VAV3: variants seen among roughly 807,000 people sequenced by gnomAD.
VAV3 encodes the protein vav guanine nucleotide exchange factor 3.
VAV3 carries 94 observed loss-of-function variants against 131.2 expected under a neutral mutation model. The ratio of observed to expected loss-of-function variants is 0.72; its 90% CI spans 0.61 to 0.85. The LOEUF (loss-of-function observed/expected upper bound fraction) is 0.85. VAV3 is among the 40% of genes least tolerant of loss of function. The pLI is 0.00. For missense variants in VAV3, 939 were observed against 1,002.7 expected, an observed-to-expected ratio of 0.94 and a Z score of 0.86; for synonymous variants, 349 against 342.0, an observed-to-expected ratio of 1.02 and a Z score of -0.22.
intron 1 of VAV3, among the ~76,000 whole-genome samples, chr1:107,959,235 T>C (rs991403688): frequency 3.9e-5 from 6 of 152,118 alleles, no homozygotes; most frequent in African/African-American, 1.4e-4. Context: ...CACTCCAGCC[T>C]GGGTGACGGA....
In VAV3 at chr1:107,948,680, C is replaced by T. The variant is rs182346161; in HGVS notation, c.204+15986G>A. Among the ~76,000 whole-genome samples, 563 of 152,148 alleles carry T rather than the reference C, an allele frequency of 3.7e-3. 1 individual carries two copies. Among genetic ancestry groups the T allele is most frequent in the Non-Finnish European group, 5.6e-3 (383 of 68,004 alleles). ...CCAACATGGCGAAATCCCATCTCTACTAAAAATACAAAATTAGCTAGGCGT... is the reference window on the plus strand; with the variant it reads ...CCAACATGGCGAAATCCCATCTCTATTAAAAATACAAAATTAGCTAGGCGT... On this transcript the variant is annotated intron_variant, in intron 1 of 26. Coordinates refer to ENST00000370056, the MANE Select transcript of VAV3 (RefSeq NM_006113.5).
intron 15 of VAV3, among the ~76,000 whole-genome samples, chr1:107,731,628 T>C (rs530033039): frequency 6.6e-6 from 1 of 152,174 alleles, no homozygotes; most frequent in Non-Finnish European, 1.5e-5. Flanking sequence ...TAGTAAAATC[T>C]TCTTCATTAT....
At chr1:107,664,377 T>C (rs189135886) in intron 19 of VAV3, among the ~76,000 whole-genome samples, 80 of 152,158 alleles carry the variant, frequency 5.3e-4, no homozygotes, top group African/African-American at 1.8e-3. Flanking sequence ...CCAGTGTGTG[T>C]TGTTCCTCGC....
At chr1:107,867,312 A>C (rs568984364) in intron 2 of VAV3, among the ~76,000 whole-genome samples, 1 of 152,182 alleles carries the variant, frequency 6.6e-6, no homozygotes, top group Non-Finnish European at 1.5e-5. Context: ...TAAAAACTGG[A>C]CTTGAATAAT....
chr1:107,690,796 T>C (rs1380020385), intron 17 of VAV3, among the ~76,000 whole-genome samples: 1 of 152,142 alleles, frequency 6.6e-6, no homozygotes, highest in Non-Finnish European at 1.5e-5. Flanking sequence ...CCCCTTTGCC[T>C]TTCTCCTTGC....
chr1:107,583,467 T>C (rs1650234059), intron 25 of VAV3, among the ~76,000 whole-genome samples: 1 of 152,120 alleles, frequency 6.6e-6, no homozygotes, highest in Admixed American at 6.6e-5. Flanking sequence ...GGAAGTCAAA[T>C]TGTCCCTGTT....
At chr1:107,850,634 T>C (rs571239169) in intron 2 of VAV3, among the ~76,000 whole-genome samples, 2 of 151,968 alleles carry the variant, frequency 1.3e-5, no homozygotes, top group South Asian at 2.1e-4. Flanking sequence ...GATGGGTTGA[T>C]TGGTGAAGCA....
chr1:107,951,376 C>T (rs946968702), intron 1 of VAV3, among the ~76,000 whole-genome samples: 16 of 152,182 alleles, frequency 1.1e-4, no homozygotes, highest in South Asian at 1.0e-3. Flanking sequence ...TTTCTCTTCG[C>T]CCCCTAAAAG....
intron 20 of VAV3, among the ~76,000 whole-genome samples, chr1:107,634,442 C>A (rs1654748816): frequency 6.6e-6 from 1 of 152,160 alleles, no homozygotes; most frequent in East Asian, 1.9e-4. Context: ...AAACTGGATC[C>A]CTTCCTTACA....
chr1:107,683,503 TAGG>T lies in VAV3; in HGVS notation c.1759_1761del (p.Pro587del). ...AGAAACACACCTGGATCCACCTGTT[TAGG>T]AGTTCTTCGCAGTCCATTGGTCCGT... On this transcript the variant is annotated inframe_deletion, in exon 19 of 27. Coordinates refer to ENST00000370056, the MANE Select transcript of VAV3 (RefSeq NM_006113.5). 1 of 1,614,052 alleles carries T rather than the reference TAGG, an allele frequency of 6.2e-7. No homozygotes were observed. Among genetic ancestry groups the T allele is most frequent in the Non-Finnish European group, 8.5e-7 (1 of 1,179,914 alleles).
At chr1:107,801,494 GAATT>G (rs1666825639) in intron 2 of VAV3, among the ~76,000 whole-genome samples, 1 of 152,092 alleles carries the variant, frequency 6.6e-6, no homozygotes. Flanking sequence ...ACTGCAACCT[GAATT>G]AATAGGTAGA....
intron 1 of VAV3, among the ~76,000 whole-genome samples, chr1:107,948,549 C>G (rs1674377713): frequency 6.6e-6 from 1 of 152,174 alleles, no homozygotes; most frequent in Non-Finnish European, 1.5e-5. Flanking sequence ...ATAACTCTTT[C>G]AACAATAAAG....
In VAV3 at chr1:107,772,854, G is replaced by C. The variant is rs1239641256; in HGVS notation, c.447-11C>G. ...TCCACAAGGGTTTCACTACAACAAA[G>C]GATATCATATAAGGTCATTTTCTAT... On this transcript the variant is annotated splice_polypyrimidine_tract_variant and intron_variant, in intron 4 of 26. Transcript: ENST00000370056. 13 of 1,605,362 alleles carry C rather than the reference G, an allele frequency of 8.1e-6. No individual in the cohort carries two copies. Among genetic ancestry groups the C allele is most frequent in the Non-Finnish European group, 1.1e-5 (13 of 1,174,184 alleles).
chr1:107,596,359 C>A lies in VAV3; in HGVS notation c.2221-18G>T. On this transcript the variant is annotated intron_variant, in intron 24 of 26. Coordinates refer to ENST00000370056, the MANE Select transcript of VAV3 (RefSeq NM_006113.5). ...ACAAGTTCCTTTGGAAAAAAGAATC[C>A]AACATATTTTTGATAAGGATACTTT... 1 of 1,610,142 alleles carries A rather than the reference C, an allele frequency of 6.2e-7. No individual in the cohort carries two copies. Among genetic ancestry groups the A allele is most frequent in the Non-Finnish European group, 8.5e-7 (1 of 1,178,054 alleles).
chr1:107,803,932 A>G (rs76359608), intron 2 of VAV3, among the ~76,000 whole-genome samples: 22,948 of 151,744 alleles, frequency 0.15, 2,004 homozygotes, highest in East Asian at 0.29. Context: ...TTAGTGTTGG[A>G]TGCATATTTA....
chr1:107,625,521 C>T (rs1653951088), intron 20 of VAV3, among the ~76,000 whole-genome samples: 1 of 152,142 alleles, frequency 6.6e-6, no homozygotes, highest in Non-Finnish European at 1.5e-5. Context: ...CTTGCCCCAG[C>T]CTCCCAAAGT....
intron 1 of VAV3, among the ~76,000 whole-genome samples, chr1:107,936,783 T>C (rs763761506): frequency 6.6e-6 from 1 of 152,158 alleles, no homozygotes; most frequent in Non-Finnish European, 1.5e-5. Flanking sequence ...AGAGTAGAAT[T>C]CCCTGCACTT....
At chr1:107,959,563 G>A (rs1223223541) in intron 1 of VAV3, among the ~76,000 whole-genome samples, 2 of 151,950 alleles carry the variant, frequency 1.3e-5, no homozygotes, top group African/African-American at 2.4e-5. Context: ...TGTTCACTTG[G>A]TTTCCCTCCT....
chr1:107,857,626 T>G (rs1258883469), intron 2 of VAV3, among the ~76,000 whole-genome samples: 1 of 152,188 alleles, frequency 6.6e-6, no homozygotes, highest in Non-Finnish European at 1.5e-5. Flanking sequence ...GCGGGTATGT[T>G]CTTTTGGACA....
Sources: allele counts gnomAD v4.1 joint callset (sites outside exome capture counted in the v4.1 genomes callset), GRCh38; gene constraint gnomAD v4.1.1; transcripts MANE v1.5; gene names NCBI Gene and HGNC (gene_info 2026-07-23, HGNC 2026-07-21).